Variants in SNX29 observed in about 807,000 individuals in gnomAD.
SNX29 encodes sorting nexin 29, also known as sorting nexin-29.
In SNX29, 78 loss-of-function variants were observed where a neutral mutation model predicts 102.1. That is an observed-to-expected ratio of 0.76 (90% confidence interval 0.64 to 0.92). SNX29 has a LOEUF of 0.92. SNX29 is among the 40% of genes least tolerant of loss of function. The pLI, the probability that SNX29 is intolerant of heterozygous loss-of-function variation, is 0.00. For synonymous variants in SNX29, 580 were observed against 414.5 expected (o/e 1.40, Z -4.85); for missense variants, 1,280 against 1,061.7 (o/e 1.21, Z -2.86).
chr16:12,481,071 C>T (rs907547213), intron 19 of SNX29, among the ~76,000 whole-genome samples: 12 of 152,284 alleles, frequency 7.9e-5, no homozygotes, highest in African/African-American at 2.6e-4. Context: ...CAGCAGCAAA[C>T]CTTTCTCCTA....
chr16:12,165,495 T>G (rs1226122791), intron 13 of SNX29, among the ~76,000 whole-genome samples: 1 of 152,248 alleles, frequency 6.6e-6, no homozygotes, highest in Non-Finnish European at 1.5e-5. Context: ...CAGCTAAACA[T>G]TTTTTGTAAG....
At chr16:12,062,364 G>T (rs1278316857) in intron 9 of SNX29, among the ~76,000 whole-genome samples, 2 of 148,066 alleles carry the variant, frequency 1.4e-5, no homozygotes, top group East Asian at 4.0e-4. Context: ...GTGTGACAGT[G>T]AGACTCTGTC....
chr16:12,253,507 T>C (rs546284621), intron 14 of SNX29, among the ~76,000 whole-genome samples: 25 of 152,280 alleles, frequency 1.6e-4, no homozygotes, highest in African/African-American at 5.5e-4. Context: ...ATCATGACTT[T>C]AAGTGAGTCG....
rs562769343 is a variant in SNX29, at chr16:12,365,651, A to T, written c.1899+9372A>T. ...GTTGCAATTGAGCCGAGATCACGCA[A>T]CTACACTCCAGCCTGGGTGACAGAG... On this transcript the variant is annotated intron_variant, in intron 16 of 20. Coordinates refer to ENST00000566228, the MANE Select transcript of SNX29 (RefSeq NM_032167.5). 6.0e-4 allele frequency among the ~76,000 whole-genome samples: 90 copies of T among 150,620 alleles called. 1 individual carries two copies. The highest frequency in any genetic ancestry group is 2.5e-3 in the South Asian group (12 of 4,740).
chr16:12,149,211 C>T (rs1012366738), intron 13 of SNX29, among the ~76,000 whole-genome samples: 8 of 152,276 alleles, frequency 5.3e-5, no homozygotes, highest in Middle Eastern at 3.4e-3. Context: ...AGCCCTGACA[C>T]CTGTGTTCTT....
chr16:12,126,327 C>T (rs2054212648), intron 11 of SNX29, among the ~76,000 whole-genome samples: 1 of 152,198 alleles, frequency 6.6e-6, no homozygotes, highest in Non-Finnish European at 1.5e-5. Flanking sequence ...TACAACACTT[C>T]TAGGAGATAG....
intron 1 of SNX29, chr16:11,983,575 T>G (rs2055477900): frequency 1.1e-6 from 1 of 880,556 alleles, no homozygotes; most frequent in South Asian, 5.2e-5. Flanking sequence ...GGCACTGGAT[T>G]GATCTATGAT....
intron 18 of SNX29, among the ~76,000 whole-genome samples, chr16:12,419,566 C>G (rs1011431617): frequency 6.6e-6 from 1 of 151,590 alleles, no homozygotes; most frequent in African/African-American, 2.4e-5. Flanking sequence ...GACTCAGCCC[C>G]CCCCCCCATC....
chr16:12,179,790 G>T (rs1332085887), intron 13 of SNX29, among the ~76,000 whole-genome samples: 2 of 152,150 alleles, frequency 1.3e-5, no homozygotes, highest in African/African-American at 4.8e-5. Context: ...AATCAGTATT[G>T]TGGATCCAAA....
intron 2 of SNX29, among the ~76,000 whole-genome samples, chr16:11,999,858 G>T (rs192500222): frequency 1.3e-5 from 2 of 151,608 alleles, no homozygotes; most frequent in Non-Finnish European, 2.9e-5. Context: ...CTGAGATTGC[G>T]CCACTGCACT....
chr16:12,452,903 T>G (rs980122399), intron 18 of SNX29, among the ~76,000 whole-genome samples: 3 of 152,146 alleles, frequency 2.0e-5, no homozygotes, highest in African/African-American at 7.2e-5. Flanking sequence ...GTCATTTCTT[T>G]TGTTATTTCT....
At chr16:12,002,902 C>G (rs1457759155) in intron 2 of SNX29, 89 bp from the exon 3 acceptor site, 4 of 1,486,118 alleles carry the variant, frequency 2.7e-6, no homozygotes, top group Non-Finnish European at 9.4e-7. Flanking sequence ...TGTCCCCTCC[C>G]TGACCCTTAA....
intron 14 of SNX29, among the ~76,000 whole-genome samples, chr16:12,273,130 G>A (rs2079140852): frequency 6.6e-6 from 1 of 152,004 alleles, no homozygotes; most frequent in Non-Finnish European, 1.5e-5. Context: ...TAATCCCCCT[G>A]GTGCCTTCAG....
intron 9 of SNX29, 145 bp downstream of exon 9, chr16:12,061,791 C>A (rs2050787484): frequency 3.0e-6 from 2 of 663,758 alleles, no homozygotes; most frequent in Admixed American, 5.3e-5. Flanking sequence ...GGGGAGCTCA[C>A]TGAGATGCAG....
chr16:12,316,395 T>G (rs2080739905), intron 15 of SNX29, among the ~76,000 whole-genome samples: 1 of 152,030 alleles, frequency 6.6e-6, no homozygotes, highest in Non-Finnish European at 1.5e-5. Context: ...ATACAAAAAT[T>G]AGCTGGGCGT....
At position 12,481,558 on chromosome 16, in the gene SNX29, C is replaced by CT. The variant is rs1597548385; in HGVS notation, c.2178+3699_2178+3700insT. 3.5e-5 allele frequency among the ~76,000 whole-genome samples: 5 copies of CT among 142,624 alleles called. No individual in the cohort carries two copies. The South Asian group carries it at 6.9e-4, about 20-fold the overall frequency. 93.6% of individuals were successfully genotyped at this position (142,624 alleles called of 152,430 possible). On this transcript the variant is annotated intron_variant, in intron 19 of 20. Coordinates refer to ENST00000566228, the MANE Select transcript of SNX29 (RefSeq NM_032167.5). ...CACACACACACACACACACACACCCCAAATGTCACCCTGTCGCCCAGGGTG... is the reference window on the plus strand; with the variant it reads ...CACACACACACACACACACACACCCCTAAATGTCACCCTGTCGCCCAGGGTG...
rs1460005855 is a variant in SNX29 at position 12,573,997 on chromosome 16, G to GCACC, written c.*5370_*5373dup. On this transcript the variant is annotated 3_prime_UTR_variant, in exon 21 of 21. Coordinates refer to ENST00000566228, the MANE Select transcript of SNX29 (RefSeq NM_032167.5). Reference sequence around the variant, plus strand: ...GGGGCGCCCATGATCGGCTCCCAGTGCACCCCCTTAAGGGTAAGCAGGCCA... The same window carrying GCACC: ...GGGGCGCCCATGATCGGCTCCCAGTGCACCCACCCCCTTAAGGGTAAGCAGGCCA... 3 of 197,926 alleles carry GCACC rather than the reference G, an allele frequency of 1.5e-5. No homozygotes were observed. Among genetic ancestry groups the GCACC allele is most frequent in the Non-Finnish European group, 1.0e-5 (1 of 95,710 alleles). The allele number at this position is 197,926 out of a possible 1,614,324, so 12.3% of individuals were successfully genotyped here. A position where few individuals can be genotyped will look rare whatever the true frequency, so the allele number is the denominator to read the frequency against.
intron 17 of SNX29, among the ~76,000 whole-genome samples, chr16:12,398,712 CAT>C (rs1040358729): frequency 1.4e-5 from 2 of 147,522 alleles, no homozygotes; most frequent in African/African-American, 5.0e-5. Context: ...TATTTAAAAA[CAT>C]TTTTTTTTTT....
intron 15 of SNX29, among the ~76,000 whole-genome samples, chr16:12,346,097 A>AG (rs36078157): frequency 0.4 from 61,392 of 151,630 alleles, 14,225 homozygotes; most frequent in Non-Finnish European, 0.55. Flanking sequence ...TAAGCAGTAA[A>AG]GGGGTGTGAT....
Sources: allele counts gnomAD v4.1 joint callset (sites outside exome capture counted in the v4.1 genomes callset), GRCh38; gene constraint gnomAD v4.1.1; transcripts MANE v1.5; gene names NCBI Gene and HGNC (gene_info 2026-07-23, HGNC 2026-07-21).